Variants in ANXA5 observed in about 807,000 individuals in gnomAD.
ANXA5 encodes the protein CBP-I.
Under a neutral mutation model 48.1 loss-of-function variants are expected in ANXA5, and 40 were observed. The ratio of observed to expected loss-of-function variants is 0.83; its 90% CI spans 0.65 to 1.08. The LOEUF (loss-of-function observed/expected upper bound fraction) is 1.08, where lower values mean the gene tolerates loss of function less well. Ranked by LOEUF, ANXA5 falls within the 50% of genes least tolerant of loss-of-function variation. The probability of loss-of-function intolerance (pLI) is 0.00; values close to 1 mark genes in which losing one functional copy is unlikely to be tolerated. For missense variants in ANXA5, 357 were observed against 376.8 expected, an observed-to-expected ratio of 0.95 and a Z score of 0.44; for synonymous variants, 113 against 129.1, an observed-to-expected ratio of 0.88 and a Z score of 0.85.
intron 2 of ANXA5, among the ~76,000 whole-genome samples, chr4:121,696,147 CTT>C (rs755067670): frequency 1.7e-5 from 2 of 117,080 alleles, no homozygotes; most frequent in African/African-American, 6.8e-5. Context: ...ATACAGAAAA[CTT>C]TGCGGAAAAA....
chr4:121,687,762 C>G (rs749904410), intron 2 of ANXA5, among the ~76,000 whole-genome samples: 1 of 152,188 alleles, frequency 6.6e-6, no homozygotes, highest in Non-Finnish European at 1.5e-5. Flanking sequence ...AAAAGTGGCA[C>G]TCATGGATCC....
At chr4:121,685,472 G>A (rs1458875668) in intron 3 of ANXA5, among the ~76,000 whole-genome samples, 1 of 152,166 alleles carries the variant, frequency 6.6e-6, no homozygotes, top group Non-Finnish European at 1.5e-5. Context: ...CGTTTAGAAT[G>A]AGAGAAAAGC....
Position 121,669,741 on chromosome 4 carries a change from A to AT in ANXA5, c.781-18_781-17insA. 6.3e-7 allele frequency: 1 copy of AT among 1,581,194 alleles called. No individual in the cohort carries two copies. The highest frequency in any genetic ancestry group is 8.5e-7 in the Non-Finnish European group (1 of 1,171,844). On this transcript the variant is annotated splice_polypyrimidine_tract_variant and intron_variant, in intron 11 of 12. Coordinates refer to ENST00000296511, the MANE Select transcript of ANXA5 (RefSeq NM_001154.4). ...CCCAGCTCCCTTTAAAAAAAAAAAA[A>AT]AAGAGAGAAGCAAAATGCTTAAAAA...
In ANXA5 at chr4:121,684,748, T is replaced by C. The variant is rs957313205; in HGVS notation, c.118A>G (p.Thr40Ala). 2.5e-6 allele frequency: 4 copies of C among 1,613,824 alleles called. No homozygotes were observed. The highest frequency in any genetic ancestry group is 3.4e-6 in the Non-Finnish European group (4 of 1,179,874). The change falls in exon 4 of 13, where the codon ACT becomes GCT. Residue 40 changes from threonine to alanine, a missense_variant. Physicochemically the swap from Thr to Ala is moderately conservative, Grantham distance 58 (BLOSUM62 0). Coordinates refer to ENST00000296511, the MANE Select transcript of ANXA5 (RefSeq NM_001154.4). ...GCATTACTTCGGGATGTCAACAGAG[T>C]CAGGATGCTCTCCTCATCTGTGCCT... The part of the protein sequence containing the change: ...GLGTDEESIL[T>A]LLTSRSNAQR...
At chr4:121,679,055 A>T (rs1012023551) in intron 6 of ANXA5, among the ~76,000 whole-genome samples, 5 of 151,928 alleles carry the variant, frequency 3.3e-5, no homozygotes, top group Middle Eastern at 3.4e-3. Context: ...GAGAACTGGG[A>T]TCTACAAGAG....
intron 11 of ANXA5, 106 bp downstream of exon 11, chr4:121,669,848 T>C (rs1724583909): frequency 1.4e-6 from 2 of 1,456,856 alleles, no homozygotes; most frequent in East Asian, 2.3e-5. Context: ...TTGAATGTTA[T>C]AAGGGAAAAA....
intron 2 of ANXA5, among the ~76,000 whole-genome samples, chr4:121,688,167 C>T (rs1724924619): frequency 1.3e-5 from 2 of 152,144 alleles, no homozygotes; most frequent in Non-Finnish European, 1.5e-5. Context: ...AGAGCCCTCA[C>T]CACACCCAAC....
chr4:121,673,321 G>A (rs956766777), intron 8 of ANXA5, among the ~76,000 whole-genome samples: 4 of 152,132 alleles, frequency 2.6e-5, no homozygotes, highest in Non-Finnish European at 4.4e-5. Context: ...AAACATCAAC[G>A]TTAACTCTGA....
chr4:121,682,781 G>A (rs189820815), intron 5 of ANXA5, among the ~76,000 whole-genome samples: 199 of 152,168 alleles, frequency 1.3e-3, no homozygotes, highest in African/African-American at 4.5e-3. Flanking sequence ...CCTGTCCCAT[G>A]AGCCTAAACA....
Position 121,668,499 on chromosome 4 carries a change from G to A in ANXA5, c.932C>T (p.Ala311Val). 6.2e-7 allele frequency: 1 copy of A among 1,613,498 alleles called. No individual in the cohort carries two copies. Among genetic ancestry groups the A allele is most frequent in the Non-Finnish European group, 8.5e-7 (1 of 1,179,560 alleles). The change falls in exon 13 of 13, where the codon GCT becomes GTT. Residue 311 changes from alanine (A) to valine (V), a missense_variant. Physicochemically the swap from Ala to Val is moderately conservative, Grantham distance 64. Coordinates refer to ENST00000296511, the MANE Select transcript of ANXA5 (RefSeq NM_001154.4). ...ATCTTCTCCACAGAGCAGCAGAAGA[G>A]CTTTCTTATAGTCCCCAGATGTATC... is the stretch of plus-strand genomic sequence containing the variant. ...KGDTSGDYKK[A>V]LLLLCGEDD
chr4:121,683,382 T>C lies in ANXA5; in HGVS notation c.285A>G (p.Glu95=). The C allele has an allele frequency of 2.5e-6, 4 of 1,603,918 alleles. No individual in the cohort carries two copies. The highest frequency in any genetic ancestry group is 3.4e-6 in the Non-Finnish European group (4 of 1,173,692). The part of the protein sequence containing the change: ...MKPSRLYDAY[E]LKHALKGAGT... ...TTTTTACCTTCAAGGCATGTTTCAG[T>C]TCATAAGCATCATAAAGCCGAGAGG... Residue 95 remains glutamate (E), a synonymous_variant, in exon 5 of 13, where the codon GAA becomes GAG. Coordinates refer to ENST00000296511, the MANE Select transcript of ANXA5 (RefSeq NM_001154.4).
chr4:121,691,545 C>G (rs911434569), intron 2 of ANXA5, among the ~76,000 whole-genome samples: 2 of 152,108 alleles, frequency 1.3e-5, no homozygotes, highest in Non-Finnish European at 2.9e-5. Flanking sequence ...GCACCCTCCC[C>G]CCACCTCCAG....
chr4:121,691,957 A>G (rs1279893439), intron 2 of ANXA5, among the ~76,000 whole-genome samples: 3 of 152,232 alleles, frequency 2.0e-5, no homozygotes, highest in African/African-American at 7.2e-5. Context: ...ACTGAGGAGT[A>G]CAAACACATC....
chr4:121,676,319 C>A lies in ANXA5; in HGVS notation c.531+1575G>T, dbSNP rs144417962. ...GAAAATCAGGGAAGGCACTAATACT[C>A]AAGAACACTGAATATCTTACAGTGA... is the stretch of plus-strand genomic sequence containing the variant. On this transcript the variant is annotated intron_variant, in intron 8 of 12. Coordinates refer to ENST00000296511, the MANE Select transcript of ANXA5 (RefSeq NM_001154.4). Among the ~76,000 whole-genome samples, 3 of 152,234 alleles carry A rather than the reference C, an allele frequency of 2.0e-5. No homozygotes were observed. In the East Asian group the frequency reaches 5.8e-4, roughly 29 times the overall value.
At chr4:121,690,300 A>G (rs1381565095) in intron 2 of ANXA5, among the ~76,000 whole-genome samples, 3 of 152,192 alleles carry the variant, frequency 2.0e-5, no homozygotes, top group African/African-American at 7.2e-5. Flanking sequence ...ATGAAGCTAC[A>G]CTGTACTCCT....
Position 121,683,495 on chromosome 4 carries a change from CA to C in ANXA5, c.190-19del. On this transcript the variant is annotated intron_variant, in intron 4 of 12. Coordinates refer to ENST00000296511, the MANE Select transcript of ANXA5 (RefSeq NM_001154.4). ...AGAAGATCCTAACCCACAGAAAATACAAATTTGTTAACCAGCAGAAATTGTA... is the reference window on the plus strand; with the variant it reads ...AGAAGATCCTAACCCACAGAAAATACAATTTGTTAACCAGCAGAAATTGTA... The C allele has an allele frequency of 1.4e-6, 2 of 1,425,290 alleles. No homozygotes were observed. The highest frequency in any genetic ancestry group is 2.0e-6 in the Non-Finnish European group (2 of 1,015,040). 88.3% of individuals were successfully genotyped at this position (1,425,290 alleles called of 1,614,324 possible). A position where few individuals can be genotyped will look rare whatever the true frequency, so the allele number is the denominator to read the frequency against.
rs1224118164 is a variant in ANXA5, at chr4:121,671,430, AATATC to A, written c.721+112_721+116del. The A allele has an allele frequency of 3.8e-5, 26 of 692,266 alleles. No homozygotes were observed. The East Asian group carries it at 7.1e-4, about 19-fold the overall frequency. 42.9% of individuals were successfully genotyped at this position (692,266 alleles called of 1,614,324 possible). A position where few individuals can be genotyped will look rare whatever the true frequency, so the allele number is the denominator to read the frequency against. On this transcript the variant is annotated intron_variant, in intron 10 of 12. Coordinates refer to ENST00000296511, the MANE Select transcript of ANXA5 (RefSeq NM_001154.4). ...GAAATTTGGGAGTTTGCTTCCCCTA[AATATC>A]ATATCAAGCTCTTCCTTCACACCTA...
chr4:121,677,386 T>G (rs1724716693), intron 8 of ANXA5, among the ~76,000 whole-genome samples: 1 of 152,166 alleles, frequency 6.6e-6, no homozygotes, highest in South Asian at 2.1e-4. Flanking sequence ...TAAGAGGAAA[T>G]TTTCATTTGG....
intron 5 of ANXA5, 85 bp downstream of exon 5, chr4:121,683,279 T>A (rs2110485772): frequency 1.3e-6 from 1 of 796,046 alleles, no homozygotes; most frequent in Non-Finnish European, 1.9e-6. Context: ...TAAAATTTTT[T>A]AAATATAACA....
Sources: allele counts gnomAD v4.1 joint callset (sites outside exome capture counted in the v4.1 genomes callset), GRCh38; gene constraint gnomAD v4.1.1; transcripts MANE v1.5; gene names NCBI Gene and HGNC (gene_info 2026-07-23, HGNC 2026-07-21).